Variants in SLC4A4 observed in about 807,000 individuals in gnomAD.
SLC4A4 encodes the protein solute carrier family 4 member 4.
A neutral mutation model predicts 111.5 loss-of-function variants in SLC4A4; 27 were observed. That is an observed-to-expected ratio of 0.24 (90% CI 0.18 to 0.33). The LOEUF (loss-of-function observed/expected upper bound fraction) is 0.33. Among genes scored for constraint, SLC4A4 ranks in the 10% least tolerant of loss-of-function variants. The pLI, the probability that SLC4A4 is intolerant of heterozygous loss-of-function variation, is 1.00. For synonymous variants in SLC4A4, 443 were observed against 463.4 expected, an observed-to-expected ratio of 0.96 and a Z score of 0.57; for missense variants, 909 against 1,315.5, an observed-to-expected ratio of 0.69 and a Z score of 4.78.
At position 71,302,146 on chromosome 4, in the gene SLC4A4, A is replaced by T. The variant is rs190465935; in HGVS notation, c.254-37224A>T. ...ATATTTAGTCTTCTGAGCTTTGGAAATAGAGATGATTTTTTTTCAGTCTTA... is the reference window on the plus strand; with the variant it reads ...ATATTTAGTCTTCTGAGCTTTGGAATTAGAGATGATTTTTTTTCAGTCTTA... On this transcript the variant is annotated intron_variant, in intron 3 of 25. Coordinates refer to ENST00000264485, the MANE Select transcript of SLC4A4 (RefSeq NM_001098484.3). 2.0e-3 allele frequency among the ~76,000 whole-genome samples: 305 copies of T among 152,312 alleles called. 3 individuals are homozygous for T. Among genetic ancestry groups the T allele is most frequent in the Admixed American group, 5.2e-3 (79 of 15,296 alleles).
chr4:71,079,205 A>G (rs554120492), intron 1 of SLC4A4, among the ~76,000 whole-genome samples: 107 of 152,284 alleles, frequency 7.0e-4, no homozygotes, highest in African/African-American at 2.5e-3. Flanking sequence ...TTCTCTGGCC[A>G]GGCTGTGATC....
In SLC4A4 at chr4:71,534,280, G is replaced by GT; in HGVS notation, c.2335dup (p.Trp779LeufsTer34). 6.2e-7 allele frequency: 1 copy of GT among 1,613,716 alleles called. No homozygotes were observed. Among genetic ancestry groups the GT allele is most frequent in the Non-Finnish European group, 8.5e-7 (1 of 1,179,806 alleles). On this transcript the variant is annotated frameshift_variant, in exon 18 of 26. Transcript: ENST00000264485. LOFTEE classifies it high-confidence loss of function. The stretch of plus-strand genomic sequence containing the variant: ...TTCCACCGTTTGGAGAAAACCCCTG[G>GT]TGGGTGTGCCTTGCTGCTGCTATCC...
chr4:71,166,114 A>C (rs1425874877), intron 2 of SLC4A4, among the ~76,000 whole-genome samples: 3 of 152,216 alleles, frequency 2.0e-5, no homozygotes. Flanking sequence ...GTGAAATGTT[A>C]TTAAATAGCA....
chr4:71,158,139 GTGTCTC>G lies in SLC4A4; in HGVS notation c.-2+65349_-2+65354del, dbSNP rs1487749061. Among the ~76,000 whole-genome samples the G allele has an allele frequency of 5.4e-5, 7 of 130,066 alleles. No individual in the cohort carries two copies. The East Asian group carries it at 1.2e-3, about 22-fold the overall frequency. 85.3% of individuals were successfully genotyped at this position (130,066 alleles called of 152,430 possible). A position where few individuals can be genotyped will look rare whatever the true frequency, so the allele number is the denominator to read the frequency against. On this transcript the variant is annotated intron_variant, in intron 2 of 26. Coordinates refer to the SLC4A4 transcript ENST00000649996. ...TGTGTGTGTGTGTGTGTGTGTGTGT[GTGTCTC>G]TCTCTCTCTCTCTCTTTCTCTCTCC... is the stretch of plus-strand genomic sequence containing the variant.
At chr4:71,215,856 C>A (rs547523008) in intron 1 of SLC4A4, among the ~76,000 whole-genome samples, 1 of 151,408 alleles carries the variant, frequency 6.6e-6, no homozygotes, top group African/African-American at 2.4e-5. Flanking sequence ...GTTGTTTTAC[C>A]GAACAAAATA....
chr4:71,478,921 C>G (rs1046016549), intron 14 of SLC4A4, among the ~76,000 whole-genome samples: 6 of 151,730 alleles, frequency 4.0e-5, no homozygotes, highest in African/African-American at 1.4e-4. Context: ...TCTAATACCT[C>G]TGTTCATTTG....
At chr4:71,219,833 T>C (rs1718640862) in intron 1 of SLC4A4, among the ~76,000 whole-genome samples, 1 of 152,206 alleles carries the variant, frequency 6.6e-6, no homozygotes, top group African/African-American at 2.4e-5. Flanking sequence ...GTGATGGACA[T>C]AGCAAGAGAA....
At chr4:71,527,890 G>A (rs1008289186) in intron 16 of SLC4A4, among the ~76,000 whole-genome samples, 1 of 151,970 alleles carries the variant, frequency 6.6e-6, no homozygotes, top group African/African-American at 2.4e-5. Flanking sequence ...GAGAGTGAAT[G>A]TAATCACTTA....
intron 15 of SLC4A4, among the ~76,000 whole-genome samples, chr4:71,495,714 G>C (rs189969526): frequency 6.6e-6 from 1 of 152,176 alleles, no homozygotes; most frequent in East Asian, 1.9e-4. Flanking sequence ...GATGTGTTTG[G>C]TGTGAGGTAG....
intron 7 of SLC4A4, among the ~76,000 whole-genome samples, chr4:71,408,403 C>G (rs1721064652): frequency 6.6e-6 from 1 of 152,280 alleles, no homozygotes; most frequent in East Asian, 1.9e-4. Flanking sequence ...AAATCTTCAT[C>G]ATCATTGCCA....
intron 3 of SLC4A4, among the ~76,000 whole-genome samples, chr4:71,310,226 A>T (rs565562243): frequency 6.6e-6 from 1 of 152,212 alleles, no homozygotes; most frequent in South Asian, 2.1e-4. Flanking sequence ...CCTGAAAGTG[A>T]TGGGGAGAAT....
chr4:71,385,425 T>C (rs1718620524), intron 6 of SLC4A4, among the ~76,000 whole-genome samples: 1 of 151,646 alleles, frequency 6.6e-6, no homozygotes, highest in African/African-American at 2.4e-5. Flanking sequence ...CTCGAACTAC[T>C]GACCTCAGGC....
intron 1 of SLC4A4, among the ~76,000 whole-genome samples, chr4:71,226,384 A>G (rs867910852): frequency 5.9e-5 from 9 of 152,200 alleles, no homozygotes; most frequent in African/African-American, 4.8e-5. Context: ...TCGTGGAACA[A>G]ACTTTTATTT....
intron 2 of SLC4A4, among the ~76,000 whole-genome samples, chr4:71,253,396 A>T (rs761716458): frequency 3.3e-5 from 5 of 152,342 alleles, no homozygotes; most frequent in Non-Finnish European, 1.5e-5. Flanking sequence ...TCATATGGCA[A>T]TATAGCTTAA....
intron 15 of SLC4A4, among the ~76,000 whole-genome samples, chr4:71,492,525 T>C (rs1163717377): frequency 2.0e-5 from 3 of 151,940 alleles, no homozygotes; most frequent in Admixed American, 2.0e-4. Flanking sequence ...CCAGTACCCA[T>C]TTACCTAAAC....
At chr4:71,409,769 G>A (rs1241488311) in intron 7 of SLC4A4, among the ~76,000 whole-genome samples, 1 of 152,122 alleles carries the variant, frequency 6.6e-6, no homozygotes, top group Admixed American at 6.5e-5. Context: ...CCATGTCAGA[G>A]ACCTTCATGA....
chr4:71,101,399 C>T (rs1288572422), intron 2 of SLC4A4, among the ~76,000 whole-genome samples: 1 of 152,206 alleles, frequency 6.6e-6, no homozygotes, highest in Non-Finnish European at 1.5e-5. Context: ...AAATGACATT[C>T]TTCACATCTT....
At chr4:71,427,916 A>G (rs952364346) in intron 7 of SLC4A4, among the ~76,000 whole-genome samples, 1 of 152,184 alleles carries the variant, frequency 6.6e-6, no homozygotes, top group Non-Finnish European at 1.5e-5. Flanking sequence ...AACCAGCCAC[A>G]TAGATGAAGA....
chr4:71,497,121 A>T (rs1358879927), intron 15 of SLC4A4, among the ~76,000 whole-genome samples: 1 of 152,106 alleles, frequency 6.6e-6, no homozygotes, highest in East Asian at 1.9e-4. Context: ...AAAGGTAAGT[A>T]CTTTTTGAAA....
Sources: allele counts gnomAD v4.1 joint callset (sites outside exome capture counted in the v4.1 genomes callset), GRCh38; gene constraint gnomAD v4.1.1; transcripts MANE v1.5; gene names NCBI Gene and HGNC (gene_info 2026-07-23, HGNC 2026-07-21).